SEPSECS: variants seen among roughly 807,000 people sequenced by gnomAD.
The protein encoded by SEPSECS is Sep (O-phosphoserine) tRNA:Sec (selenocysteine) tRNA synthase, also known as O-phosphoseryl-tRNA(Sec) selenium transferase.
A neutral mutation model predicts 52.1 loss-of-function variants in SEPSECS; 42 were observed. The ratio of observed to expected loss-of-function variants is 0.81; its 90% CI spans 0.63 to 1.04. SEPSECS has a LOEUF of 1.04. Among genes scored for constraint, SEPSECS ranks in the 50% least tolerant of loss-of-function variants. The probability of loss-of-function intolerance (pLI) is 0.00; values close to 1 mark genes in which losing one functional copy is unlikely to be tolerated. For synonymous variants in SEPSECS, 216 were observed against 211.4 expected (o/e 1.02, Z -0.19); for missense variants, 590 against 610.6 (o/e 0.97, Z 0.36).
At position 25,125,038 on chromosome 4, in the gene SEPSECS, A is replaced by T. The variant is rs1388070944; in HGVS notation, c.1211+656T>A. On this transcript the variant is annotated intron_variant, in intron 10 of 10. Transcript: ENST00000382103. ...ATATAGATGAGTTCATCAAGGTAAA[A>T]AGTAAATTAATCTAAGATTTTACTT... Among the ~76,000 whole-genome samples, 6 of 152,284 alleles carry T rather than the reference A, an allele frequency of 3.9e-5. No individual in the cohort carries two copies. In the East Asian group the frequency reaches 1.2e-3, roughly 29 times the overall value.
rs192696259 is a variant in SEPSECS, at chr4:25,153,249, A to G, written c.702-1187T>C. Among the ~76,000 whole-genome samples the G allele has an allele frequency of 8.5e-5, 13 of 152,064 alleles. No individual in the cohort carries two copies. The East Asian group carries it at 1.9e-3, about 23-fold the overall frequency. On this transcript the variant is annotated intron_variant, in intron 5 of 10. Transcript: ENST00000382103. ...AAAATAGACCTCTGGGATACACAGAAGTATTTTCTTCATAAAATAAAAGGC... is the reference window on the plus strand; with the variant it reads ...AAAATAGACCTCTGGGATACACAGAGGTATTTTCTTCATAAAATAAAAGGC...
At chr4:25,131,566 C>T (rs973289110) in intron 8 of SEPSECS, among the ~76,000 whole-genome samples, 25 of 152,150 alleles carry the variant, frequency 1.6e-4, no homozygotes, top group Non-Finnish European at 3.7e-4. Context: ...GAGGCTACAC[C>T]CATCTGCATT....
intron 8 of SEPSECS, among the ~76,000 whole-genome samples, chr4:25,136,251 AG>A (rs1728836519): frequency 6.6e-6 from 1 of 152,194 alleles, no homozygotes; most frequent in African/African-American, 2.4e-5. Context: ...ATGGGAAGAG[AG>A]GAAGTCAAAC....
In SEPSECS at chr4:25,123,683, A is replaced by G; in HGVS notation, c.*248T>C. The G allele has an allele frequency of 2.0e-6, 1 of 500,576 alleles. No individual in the cohort carries two copies. The highest frequency in any genetic ancestry group is 3.6e-6 in the Non-Finnish European group (1 of 277,540). The allele number at this position is 500,576 out of a possible 1,614,324, so 31.0% of individuals were successfully genotyped here. A position where few individuals can be genotyped will look rare whatever the true frequency, so the allele number is the denominator to read the frequency against. The stretch of plus-strand genomic sequence containing the variant: ...ATCTGAGTCATGATGCTTAATTGAC[A>G]GATATTCTAACAATTAGAAAAATGC... On this transcript the variant is annotated 3_prime_UTR_variant, in exon 11 of 11. Transcript: ENST00000382103.
At chr4:25,156,569 G>A (rs1044392367) in intron 3 of SEPSECS, among the ~76,000 whole-genome samples, 1 of 151,506 alleles carries the variant, frequency 6.6e-6, no homozygotes, top group Non-Finnish European at 1.5e-5. Flanking sequence ...TTAGCCAGGC[G>A]TGGCGGTGGG....
At chr4:25,147,481 A>G (rs1712033891) in intron 6 of SEPSECS, among the ~76,000 whole-genome samples, 1 of 152,210 alleles carries the variant, frequency 6.6e-6, no homozygotes, top group Non-Finnish European at 1.5e-5. Flanking sequence ...AATTCTGAAC[A>G]GGCAAAGTTG....
chr4:25,129,637 C>T (rs1481856832), intron 8 of SEPSECS, among the ~76,000 whole-genome samples: 3 of 151,880 alleles, frequency 2.0e-5, no homozygotes, highest in East Asian at 2.0e-4. Flanking sequence ...GTGATCCACC[C>T]GCCTCGGCCT....
chr4:25,134,354 A>G (rs968649045), intron 8 of SEPSECS, among the ~76,000 whole-genome samples: 216 of 115,268 alleles, frequency 1.9e-3, no homozygotes, highest in African/African-American at 6.4e-3. Flanking sequence ...GTGTGTGTGT[A>G]TAAAATTTGC....
chr4:25,158,814 G>C, intron 2 of SEPSECS, 139 bp downstream of exon 2: 2 of 801,004 alleles, frequency 2.5e-6, no homozygotes, highest in Admixed American at 4.9e-5. Context: ...GTTGCATTTG[G>C]CTTACATATC....
At chr4:25,155,251 T>C (rs967505657) in intron 4 of SEPSECS, 100 bp from the exon 5 acceptor site, 2 of 1,305,770 alleles carry the variant, frequency 1.5e-6, no homozygotes, top group South Asian at 1.2e-5. Flanking sequence ...GAACTCTTAA[T>C]ATTTATTTTG....
chr4:25,130,604 AAT>A (rs1215650337), intron 8 of SEPSECS, among the ~76,000 whole-genome samples: 1 of 152,202 alleles, frequency 6.6e-6, no homozygotes, highest in Non-Finnish European at 1.5e-5. Context: ...AAATATTTAC[AAT>A]ATGTTTACTC....
chr4:25,147,875 T>C (rs976757389), intron 6 of SEPSECS, among the ~76,000 whole-genome samples: 1 of 152,230 alleles, frequency 6.6e-6, no homozygotes, highest in Non-Finnish European at 1.5e-5. Flanking sequence ...ACAGTATTAG[T>C]ATTTTAGTAC....
chr4:25,150,686 G>T (rs1026582068), intron 6 of SEPSECS, among the ~76,000 whole-genome samples: 1 of 152,112 alleles, frequency 6.6e-6, no homozygotes, highest in Non-Finnish European at 1.5e-5. Context: ...AATGAACATG[G>T]TAAAAAAGCA....
rs948304880 is a variant in SEPSECS at position 25,123,576 on chromosome 4, C to T, written c.*355G>A. 26 of 254,714 alleles carry T rather than the reference C, an allele frequency of 1.0e-4. No homozygotes were observed. The East Asian group carries it at 1.3e-3, about 13-fold the overall frequency. The allele number at this position is 254,714 out of a possible 1,614,324, so 15.8% of individuals were successfully genotyped here. A position where few individuals can be genotyped will look rare whatever the true frequency, so the allele number is the denominator to read the frequency against. ...TTTCTCAATTCTGTGTGATCAGAAA[C>T]GGTAAAGAATGGTTAGGAGGAAGCA... On this transcript the variant is annotated 3_prime_UTR_variant, in exon 11 of 11. Coordinates refer to ENST00000382103, the MANE Select transcript of SEPSECS (RefSeq NM_016955.4).
rs1215046770 is a variant in SEPSECS at position 25,152,014 on chromosome 4, T to C, written c.750A>G (p.Ile250Met). 6 of 1,602,190 alleles carry C rather than the reference T, an allele frequency of 3.7e-6. No homozygotes were observed. The highest frequency in any genetic ancestry group is 2.7e-5 in the African/African-American group (2 of 74,672). The change falls in exon 6 of 11, where the codon ATA becomes ATG. Residue 250 changes from isoleucine to methionine, a missense_variant. Ile to Met is a conservative substitution (Grantham distance 10). Transcript: ENST00000382103. ...VICANYDIPH[I>M]VNNAYGVQSS... ...ACTGCACTCCATAAGCATTATTAACTATATGTGGAATGTCATAATTAGCAC... is the reference window on the plus strand; with the variant it reads ...ACTGCACTCCATAAGCATTATTAACCATATGTGGAATGTCATAATTAGCAC...
At position 25,123,593 on chromosome 4, in the gene SEPSECS, G is replaced by C. The variant is rs982416862; in HGVS notation, c.*338C>G. ...ATCAGAAACGGTAAAGAATGGTTAG[G>C]AGGAAGCACTCTACATTTCAAAGAG... On this transcript the variant is annotated 3_prime_UTR_variant, in exon 11 of 11. Transcript: ENST00000382103. The C allele has an allele frequency of 1.7e-5, 5 of 300,496 alleles. No homozygotes were observed. The highest frequency in any genetic ancestry group is 3.2e-5 in the Non-Finnish European group (5 of 156,526). The allele number at this position is 300,496 out of a possible 1,614,324, so 18.6% of individuals were successfully genotyped here. A position where few individuals can be genotyped will look rare whatever the true frequency, so the allele number is the denominator to read the frequency against.
intron 8 of SEPSECS, among the ~76,000 whole-genome samples, chr4:25,129,263 ATT>A (rs1285225743): frequency 2.0e-5 from 3 of 152,082 alleles, no homozygotes; most frequent in Non-Finnish European, 4.4e-5. Context: ...ATAGAGAAAT[ATT>A]TAAGGAGACA....
chr4:25,145,114 A>AG lies in SEPSECS; in HGVS notation c.823_824insC (p.Ile275ThrfsTer25), dbSNP rs1244592886. ...GTCCAAGCTCTGAACAAAAGCATCT[A>AG]TTCTACCAACTCGAGCCCCCTGGAA... is the stretch of plus-strand genomic sequence containing the variant. On this transcript the variant is annotated frameshift_variant, in exon 7 of 11. Coordinates refer to ENST00000382103, the MANE Select transcript of SEPSECS (RefSeq NM_016955.4). LOFTEE classifies it high-confidence loss of function. The AG allele has an allele frequency of 1.5e-5, 24 of 1,613,838 alleles. No individual in the cohort carries two copies. Among genetic ancestry groups the AG allele is most frequent in the Non-Finnish European group, 1.6e-5 (19 of 1,179,922 alleles).
Position 25,139,241 on chromosome 4 carries a change from G to C in SEPSECS, c.1026+5533C>G, listed in dbSNP as rs190168700. Reference sequence around the variant, plus strand: ...AAAAACTAAGTCAGTCTTGTTTGTGGATTTAGCTTTAGGGCCTACACATAA... The same window carrying C: ...AAAAACTAAGTCAGTCTTGTTTGTGCATTTAGCTTTAGGGCCTACACATAA... On this transcript the variant is annotated intron_variant, in intron 8 of 10. Transcript: ENST00000382103. Among the ~76,000 whole-genome samples the C allele has an allele frequency of 9.2e-5, 14 of 152,204 alleles. No individual in the cohort carries two copies. In the East Asian group the frequency reaches 2.5e-3, roughly 27 times the overall value.
Sources: allele counts gnomAD v4.1 joint callset (sites outside exome capture counted in the v4.1 genomes callset), GRCh38; gene constraint gnomAD v4.1.1; transcripts MANE v1.5; gene names NCBI Gene and HGNC (gene_info 2026-07-23, HGNC 2026-07-21).